The following ABCC2 variants were observed in gnomAD, a reference collection of about 807,000 sequenced individuals.
ABCC2 encodes the protein ATP-binding cassette sub-family C member 2.
ABCC2 carries 157 observed loss-of-function variants against 173.4 expected under a neutral mutation model. The observed-to-expected ratio is 0.91, with a 90% CI of 0.80 to 1.03. The LOEUF (loss-of-function observed/expected upper bound fraction) is 1.03. Ranked by LOEUF, ABCC2 falls within the 50% of genes least tolerant of loss-of-function variation. The pLI, the probability that ABCC2 is intolerant of heterozygous loss-of-function variation, is 0.00. For missense variants in ABCC2, 1,822 were observed against 1,852.3 expected, an observed-to-expected ratio of 0.98 and a Z score of 0.30; for synonymous variants, 657 against 693.5, an observed-to-expected ratio of 0.95 and a Z score of 0.83.
intron 15 of ABCC2, 117 bp downstream of exon 15, chr10:99,811,719 T>C: frequency 8.5e-7 from 1 of 1,174,162 alleles, no homozygotes; most frequent in Non-Finnish European, 1.3e-6. Flanking sequence ...TGTCTTCGGT[T>C]AGATACTAGT....
At position 99,851,777 on chromosome 10, in the gene ABCC2, A is replaced by G; in HGVS notation, c.*146A>G. On this transcript the variant is annotated 3_prime_UTR_variant, in exon 32 of 32. Coordinates refer to ENST00000647814, the MANE Select transcript of ABCC2 (RefSeq NM_000392.5). ...GTGAACACCCATGAACCTACTACCC[A>G]GGTTAAGAAAATAAATGTCACCAGG... 1.3e-6 allele frequency: 1 copy of G among 780,882 alleles called. No individual in the cohort carries two copies. The highest frequency in any genetic ancestry group is 1.9e-6 in the Non-Finnish European group (1 of 519,364). The allele number at this position is 780,882 out of a possible 1,614,324, so 48.4% of individuals were successfully genotyped here. A position where few individuals can be genotyped will look rare whatever the true frequency, so the allele number is the denominator to read the frequency against.
At chr10:99,783,565 G>C (rs1421244290) in intron 1 of ABCC2, among the ~76,000 whole-genome samples, 1 of 152,198 alleles carries the variant, frequency 6.6e-6, no homozygotes, top group Non-Finnish European at 1.5e-5. Flanking sequence ...TGGTGAGAAA[G>C]TATCATCTGC....
intron 21 of ABCC2, 55 bp downstream of exon 21, chr10:99,830,906 A>C (rs1590181946): frequency 6.2e-7 from 1 of 1,607,500 alleles, no homozygotes; most frequent in Non-Finnish European, 8.5e-7. Context: ...TAGAACCCAA[A>C]ATTTTTAACG....
At position 99,814,520 on chromosome 10, in the gene ABCC2, TAC is replaced by T. The variant is rs779222406; in HGVS notation, c.2094+1378_2094+1379del. On this transcript the variant is annotated intron_variant, in intron 16 of 31. Coordinates refer to ENST00000647814, the MANE Select transcript of ABCC2 (RefSeq NM_000392.5). The stretch of plus-strand genomic sequence containing the variant: ...ATATATGTGTGTGTATGTGTATATA[TAC>T]ATATATATACACATATACACACACA... 2.8e-5 allele frequency among the ~76,000 whole-genome samples: 2 copies of T among 70,416 alleles called. 1 individual carries two copies. Among genetic ancestry groups the T allele is most frequent in the Non-Finnish European group, 6.1e-5 (2 of 32,608 alleles). 46.2% of individuals were successfully genotyped at this position (70,416 alleles called of 152,430 possible).
chr10:99,810,001 G>C, intron 13 of ABCC2, 133 bp from the exon 14 acceptor site: 1 of 770,866 alleles, frequency 1.3e-6, no homozygotes, highest in Non-Finnish European at 2.2e-6. Context: ...AGCTTCCGGG[G>C]CTGAGTTCGG....
At chr10:99,827,260 C>T (rs560774844) in intron 19 of ABCC2, among the ~76,000 whole-genome samples, 112 of 152,264 alleles carry the variant, frequency 7.4e-4, no homozygotes, top group South Asian at 1.7e-3. Flanking sequence ...ACCTGACCTG[C>T]TGGAAGAGGA....
chr10:99,834,354 T>C, intron 23 of ABCC2, 26 bp from the exon 24 acceptor site: 2 of 1,613,058 alleles, frequency 1.2e-6, no homozygotes, highest in Non-Finnish European at 8.5e-7. Flanking sequence ...TCAGTGATGG[T>C]GTATCTCTCC....
chr10:99,830,489 TTTTC>T, intron 20 of ABCC2, 56 bp downstream of exon 20: 1 of 1,612,952 alleles, frequency 6.2e-7, no homozygotes, highest in Non-Finnish European at 8.5e-7. Flanking sequence ...CACTTGATCT[TTTTC>T]TTTTTCTTCC....
Position 99,850,701 on chromosome 10 carries a change from A to G in ABCC2, c.4413A>G (p.Thr1471=), listed in dbSNP as rs751319200. The part of the protein sequence containing the change: ...DEATAAVDLE[T]DNLIQTTIQN... ...CCACTGCTGCGGTGGATCTAGAGAC[A>G]GACAACCTCATTCAGACGACCATCC... Residue 1471 remains threonine, a synonymous_variant, in exon 31 of 32, where the codon ACA becomes ACG. Transcript: ENST00000647814. The G allele has an allele frequency of 6.2e-7, 1 of 1,614,246 alleles. No individual in the cohort carries two copies. The highest frequency in any genetic ancestry group is 1.1e-5 in the South Asian group (1 of 91,082).
chr10:99,824,675 G>A (rs2038597523), intron 19 of ABCC2, among the ~76,000 whole-genome samples: 1 of 152,222 alleles, frequency 6.6e-6, no homozygotes, highest in Non-Finnish European at 1.5e-5. Flanking sequence ...TGGTAAAAAA[G>A]CAATCCTTTA....
At chr10:99,849,529 G>A (rs574214768) in intron 30 of ABCC2, among the ~76,000 whole-genome samples, 6 of 152,326 alleles carry the variant, frequency 3.9e-5, no homozygotes, top group South Asian at 2.1e-4. Context: ...AACCTGGCCT[G>A]GGGGACTAAA....
intron 13 of ABCC2, 55 bp from the exon 14 acceptor site, chr10:99,810,079 C>G: frequency 1.3e-6 from 2 of 1,518,650 alleles, no homozygotes; most frequent in African/African-American, 1.4e-5. Context: ...CAAAATCTCT[C>G]TGCTTGTGCT....
intron 23 of ABCC2, among the ~76,000 whole-genome samples, chr10:99,833,013 A>G (rs1308698179): frequency 1.3e-5 from 2 of 152,246 alleles, no homozygotes; most frequent in Non-Finnish European, 2.9e-5. Context: ...AACTATCACC[A>G]GCACAGTTTT....
At chr10:99,810,303 A>T in intron 14 of ABCC2, 85 bp downstream of exon 14, 1 of 1,011,180 alleles carries the variant, frequency 9.9e-7, no homozygotes, top group Non-Finnish European at 1.5e-6. Flanking sequence ...AGTAGCAGCA[A>T]ACTGAGAGAG....
chr10:99,830,408 A>T lies in ABCC2; in HGVS notation c.2722A>T (p.Ser908Cys). Reference sequence around the variant, plus strand: ...CTCCATAACCATGAGAAGAGAGAACAGCTTTCGTCGAACACTTAGCCGCAG... The same window carrying T: ...CTCCATAACCATGAGAAGAGAGAACTGCTTTCGTCGAACACTTAGCCGCAG... Reference protein sequence around the residue: ...AASITMRRENSFRRTLSRSSR... With the variant: ...AASITMRRENCFRRTLSRSSR... Residue 908 changes from serine (S) to cysteine (C), a missense_variant, in exon 20 of 32, where the codon AGC becomes TGC. Transcript: ENST00000647814. The T allele has an allele frequency of 1.2e-6, 2 of 1,614,220 alleles. No individual in the cohort carries two copies. Among genetic ancestry groups the T allele is most frequent in the Middle Eastern group, 1.6e-4 (1 of 6,062 alleles).
chr10:99,802,868 G>A (rs2038035237), intron 9 of ABCC2, among the ~76,000 whole-genome samples: 1 of 152,186 alleles, frequency 6.6e-6, no homozygotes. Context: ...GTGGCTATCA[G>A]CCTCCTGACC....
At chr10:99,830,218 C>G (rs2038713781) in intron 19 of ABCC2, 89 bp from the exon 20 acceptor site, 1 of 1,558,884 alleles carries the variant, frequency 6.4e-7, no homozygotes, top group East Asian at 2.2e-5. Context: ...CTGAAACCAG[C>G]AAGATCAGAG....
At chr10:99,799,499 C>A in intron 8 of ABCC2, 129 bp downstream of exon 8, 1 of 1,110,864 alleles carries the variant, frequency 9.0e-7, no homozygotes, top group Non-Finnish European at 1.4e-6. Context: ...TTTCTTCCAC[C>A]TTAACCTTAC....
chr10:99,814,306 CAT>C lies in ABCC2; in HGVS notation c.2094+1163_2094+1164del, dbSNP rs1564684385. 1.4e-4 allele frequency among the ~76,000 whole-genome samples: 6 copies of C among 44,128 alleles called. 3 individuals are homozygous for C. Among genetic ancestry groups the C allele is most frequent in the African/African-American group, 2.1e-4 (2 of 9,384 alleles). The allele number at this position is 44,128 out of a possible 152,430, so 28.9% of individuals were successfully genotyped here. A position where few individuals can be genotyped will look rare whatever the true frequency, so the allele number is the denominator to read the frequency against. On this transcript the variant is annotated intron_variant, in intron 16 of 31. Coordinates refer to ENST00000647814, the MANE Select transcript of ABCC2 (RefSeq NM_000392.5). ...GTATACACACACGTATGTATACACA[CAT>C]GTATATACACACGTATGTATACACA... is the stretch of plus-strand genomic sequence containing the variant.
Sources: allele counts gnomAD v4.1 joint callset (sites outside exome capture counted in the v4.1 genomes callset), GRCh38; gene constraint gnomAD v4.1.1; transcripts MANE v1.5; gene names NCBI Gene and HGNC (gene_info 2026-07-23, HGNC 2026-07-21).